ODAD2: variants seen among roughly 807,000 people sequenced by gnomAD.
The protein encoded by ODAD2 is outer dynein arm-docking complex subunit 2.
A neutral mutation model predicts 106.8 loss-of-function variants in ODAD2; 89 were observed. The ratio of observed to expected loss-of-function variants is 0.83; its 90% CI spans 0.70 to 0.99. ODAD2 has a LOEUF of 0.99. Among genes scored for constraint, ODAD2 ranks in the 50% least tolerant of loss-of-function variants. ODAD2 has a pLI of 0.00. For synonymous variants in ODAD2, 404 were observed against 436.2 expected (o/e 0.93, Z 0.92); for missense variants, 1,168 against 1,238.5 (o/e 0.94, Z 0.85).
chr10:27,909,304 C>T (rs979596512), intron 16 of ODAD2, among the ~76,000 whole-genome samples: 1 of 152,030 alleles, frequency 6.6e-6, no homozygotes, highest in African/African-American at 2.4e-5. Flanking sequence ...TTGGATGGCA[C>T]AAATTTGCAA....
intron 17 of ODAD2, among the ~76,000 whole-genome samples, chr10:27,876,890 G>C (rs1278873885): frequency 6.6e-6 from 1 of 152,140 alleles, no homozygotes; most frequent in Non-Finnish European, 1.5e-5. Flanking sequence ...CACAGCTAAA[G>C]GCATCTGTAG....
At position 27,941,249 on chromosome 10, in the gene ODAD2, C is replaced by T. The variant is rs553507349; in HGVS notation, c.1744-444G>A. 5.3e-5 allele frequency among the ~76,000 whole-genome samples: 8 copies of T among 151,578 alleles called. No homozygotes were observed. In the East Asian group the frequency reaches 1.4e-3, roughly 26 times the overall value. On this transcript the variant is annotated intron_variant, in intron 12 of 19. Coordinates refer to ENST00000305242, the MANE Select transcript of ODAD2 (RefSeq NM_018076.5). The stretch of plus-strand genomic sequence containing the variant: ...CTGTAATCACAACACTTTAGGAGCT[C>T]GAGGTGGGAGGATCACTTGAGGCCA...
intron 17 of ODAD2, among the ~76,000 whole-genome samples, chr10:27,885,520 AAAAAAAAAAAAAAATATATATAT>A (rs1842026097): frequency 6.9e-5 from 1 of 14,410 alleles, no homozygotes; most frequent in African/African-American, 2.1e-4. Flanking sequence ...AAAAAAAAAA[AAAAAAAAAAAAAAATATATATAT>A]ATATAAATAT....
chr10:27,818,440 T>C (rs1393360937), intron 19 of ODAD2, among the ~76,000 whole-genome samples: 1 of 152,078 alleles, frequency 6.6e-6, no homozygotes, highest in African/African-American at 2.4e-5. Context: ...GCAGAAAAAC[T>C]CTCCCAACAG....
chr10:27,941,208 G>C (rs888258744), intron 12 of ODAD2, among the ~76,000 whole-genome samples: 1 of 152,032 alleles, frequency 6.6e-6, no homozygotes, highest in Non-Finnish European at 1.5e-5. Context: ...ACCTGTCCAG[G>C]AACACTGGCT....
At chr10:27,848,113 T>C (rs1431535007) in intron 19 of ODAD2, among the ~76,000 whole-genome samples, 1 of 152,052 alleles carries the variant, frequency 6.6e-6, no homozygotes, top group Admixed American at 6.6e-5. Context: ...CACATTGCCA[T>C]GACAATCCTA....
chr10:27,963,310 C>T (rs1848267946), intron 9 of ODAD2, among the ~76,000 whole-genome samples: 1 of 151,824 alleles, frequency 6.6e-6, no homozygotes, highest in African/African-American at 2.4e-5. Context: ...CCCGGCCTGT[C>T]CCAGGCACTT....
At chr10:27,831,380 T>A (rs1261088897) in intron 19 of ODAD2, among the ~76,000 whole-genome samples, 3 of 152,106 alleles carry the variant, frequency 2.0e-5, no homozygotes, top group Non-Finnish European at 4.4e-5. Flanking sequence ...TAGAGAACCT[T>A]CAAGAAGGAA....
chr10:27,940,919 C>T lies in ODAD2; in HGVS notation c.1744-114G>A, dbSNP rs530464372. The T allele has an allele frequency of 3.5e-5, 41 of 1,170,460 alleles. No individual in the cohort carries two copies. In the African/African-American group the frequency reaches 6.0e-4, roughly 17 times the overall value. 72.5% of individuals were successfully genotyped at this position (1,170,460 alleles called of 1,614,324 possible). ...CTCACCTCCGTCAAAAACAAGAATG[C>T]TTTAAAAAATCACTTTTCGTACTCC... On this transcript the variant is annotated intron_variant, in intron 12 of 19. Transcript: ENST00000305242.
chr10:27,983,777 T>G, intron 6 of ODAD2, 66 bp downstream of exon 6: 1 of 1,465,714 alleles, frequency 6.8e-7, no homozygotes, highest in Admixed American at 1.8e-5. Flanking sequence ...GGACACACCC[T>G]TGAGACATCT....
At chr10:27,909,886 T>C (rs188709605) in intron 16 of ODAD2, among the ~76,000 whole-genome samples, 92 of 135,544 alleles carry the variant, frequency 6.8e-4, no homozygotes, top group African/African-American at 2.5e-3. Flanking sequence ...GACAAGAACA[T>C]GATTGAAAAA....
chr10:27,896,105 ATCT>A (rs1165506042), intron 17 of ODAD2, among the ~76,000 whole-genome samples: 2 of 152,212 alleles, frequency 1.3e-5, no homozygotes, highest in East Asian at 3.8e-4. Flanking sequence ...AAAGCTGTGT[ATCT>A]TCTTCATCTC....
At chr10:27,856,710 T>C (rs1485666516) in intron 19 of ODAD2, among the ~76,000 whole-genome samples, 1 of 152,114 alleles carries the variant, frequency 6.6e-6, no homozygotes, top group East Asian at 1.9e-4. Context: ...ACAAGAGATT[T>C]TGAAGACTTG....
chr10:27,831,843 A>G lies in ODAD2; in HGVS notation c.3022-19218T>C, dbSNP rs964795912. Among the ~76,000 whole-genome samples, 4 of 152,230 alleles carry G rather than the reference A, an allele frequency of 2.6e-5. No individual in the cohort carries two copies. In the East Asian group the frequency reaches 7.7e-4, roughly 29 times the overall value. ...CTCAATGGAGCCTGTTTGTTTCTGC[A>G]AACCCTCCCTGTGGGTCCATGGGTA... is the stretch of plus-strand genomic sequence containing the variant. On this transcript the variant is annotated intron_variant, in intron 19 of 19. Coordinates refer to ENST00000305242, the MANE Select transcript of ODAD2 (RefSeq NM_018076.5).
rs1554810835 is a variant in ODAD2, at chr10:27,924,012, A to AAGAAGGAAAG, written c.2495+10997_2495+10998insCTTTCCTTCT. On this transcript the variant is annotated intron_variant, in intron 16 of 19. Coordinates refer to ENST00000305242, the MANE Select transcript of ODAD2 (RefSeq NM_018076.5). The stretch of plus-strand genomic sequence containing the variant: ...AAAGAAAGAAAGAAAGAAAGAAAGA[A>AAGAAGGAAAG]AGAAAGAAAGAAGGAAAGAGAAAGA... 9.3e-3 allele frequency among the ~76,000 whole-genome samples: 1,059 copies of AAGAAGGAAAG among 113,268 alleles called. 27 individuals carry two copies. Among genetic ancestry groups the AAGAAGGAAAG allele is most frequent in the Non-Finnish European group, 0.012 (684 of 56,784 alleles). The allele number at this position is 113,268 out of a possible 152,430, so 74.3% of individuals were successfully genotyped here.
chr10:27,870,011 T>G (rs1021418809), intron 17 of ODAD2, among the ~76,000 whole-genome samples: 3 of 152,026 alleles, frequency 2.0e-5, no homozygotes, highest in African/African-American at 7.2e-5. Flanking sequence ...ATATATATAG[T>G]TGGAAGTATA....
At chr10:27,911,086 G>C (rs538270873) in intron 16 of ODAD2, among the ~76,000 whole-genome samples, 96 of 152,232 alleles carry the variant, frequency 6.3e-4, no homozygotes, top group African/African-American at 2.1e-3. Flanking sequence ...TTTTCCAAAA[G>C]GAACATCGCC....
In ODAD2 at chr10:27,939,987, G is replaced by A; in HGVS notation, c.2007C>T (p.Ile669=). 6.2e-7 allele frequency: 1 copy of A among 1,607,738 alleles called. No individual in the cohort carries two copies. Among genetic ancestry groups the A allele is most frequent in the East Asian group, 2.3e-5 (1 of 44,232 alleles). Residue 669 remains isoleucine, a synonymous_variant, in exon 14 of 20, where the codon ATC becomes ATT. Coordinates refer to ENST00000305242, the MANE Select transcript of ODAD2 (RefSeq NM_018076.5). Reference sequence around the variant, plus strand: ...GGTTTTCAATGATCCTTTCTGCTTTGATTGCAGCCCGGTAGTTTTCCTAGG... The same window carrying A: ...GGTTTTCAATGATCCTTTCTGCTTTAATTGCAGCCCGGTAGTTTTCCTAGG... The part of the protein sequence containing the change: ...CASEENYRAA[I]KAERIIENLV...
At chr10:27,862,087 G>T (rs752476207) in intron 18 of ODAD2, among the ~76,000 whole-genome samples, 2 of 152,114 alleles carry the variant, frequency 1.3e-5, no homozygotes, top group African/African-American at 4.8e-5. Context: ...GATTTCTAAC[G>T]TTGGCATGAA....
Sources: gnomAD v4.1 joint callset for allele counts (sites outside exome capture counted in the v4.1 genomes callset) on GRCh38, gnomAD v4.1.1 for gene constraint, MANE v1.5 for transcripts, NCBI Gene and HGNC (gene_info 2026-07-23, HGNC 2026-07-21) for gene names.